The following RYR2 variants were observed in gnomAD, a reference collection of about 807,000 sequenced individuals.
The protein encoded by RYR2 is ryanodine receptor 2, also known as cardiac muscle ryanodine receptor-calcium release channel.
RYR2 carries 227 observed loss-of-function variants against 601.1 expected under a neutral mutation model. The ratio of observed to expected loss-of-function variants is 0.38; its 90% CI spans 0.34 to 0.42. The LOEUF (loss-of-function observed/expected upper bound fraction) is 0.42. RYR2 is among the 10% of genes least tolerant of loss of function. The pLI, the probability that RYR2 is intolerant of heterozygous loss-of-function variation, is 1.00. For missense variants in RYR2, 4,646 were observed against 6,156.5 expected, an observed-to-expected ratio of 0.75 and a Z score of 8.21; for synonymous variants, 2,223 against 2,175.1, an observed-to-expected ratio of 1.02 and a Z score of -0.61.
chr1:237,447,928 C>T (rs1224920253), intron 14 of RYR2, among the ~76,000 whole-genome samples: 1 of 149,980 alleles, frequency 6.7e-6, no homozygotes, highest in African/African-American at 2.5e-5. Flanking sequence ...CCTTTCCTCC[C>T]TCCCCTCTCC....
At chr1:237,457,321 GT>G (rs750880616) in intron 16 of RYR2, among the ~76,000 whole-genome samples, 4 of 152,140 alleles carry the variant, frequency 2.6e-5, no homozygotes, top group Non-Finnish European at 5.9e-5. Context: ...TTAAGCGACA[GT>G]TGCTGTGGTT....
At chr1:237,172,011 T>C (rs1677457667) in intron 1 of RYR2, among the ~76,000 whole-genome samples, 1 of 152,252 alleles carries the variant, frequency 6.6e-6, no homozygotes, top group Non-Finnish European at 1.5e-5. Flanking sequence ...GCAAGTCAGC[T>C]TAGCTTGGCT....
At chr1:237,826,352 C>A (rs1663086356) in intron 101 of RYR2, among the ~76,000 whole-genome samples, 1 of 152,282 alleles carries the variant, frequency 6.6e-6, no homozygotes, top group Non-Finnish European at 1.5e-5. Context: ...AGGATGATTT[C>A]ATGTCCTTTG....
intron 101 of RYR2, among the ~76,000 whole-genome samples, chr1:237,822,925 T>C (rs1297851073): frequency 2.0e-5 from 3 of 151,964 alleles, no homozygotes; most frequent in Non-Finnish European, 2.9e-5. Context: ...CCAACGAAGA[T>C]CAAAAGAGAC....
intron 86 of RYR2, among the ~76,000 whole-genome samples, chr1:237,772,762 CTT>C (rs5781991): frequency 2.0e-3 from 305 of 148,924 alleles, no homozygotes; most frequent in African/African-American, 6.6e-3. Flanking sequence ...AAAATCACAA[CTT>C]TTTTTTTTTC....
chr1:237,100,200 A>G (rs1667927891), intron 1 of RYR2, among the ~76,000 whole-genome samples: 1 of 152,122 alleles, frequency 6.6e-6, no homozygotes. Context: ...TAAAATGAAA[A>G]AGCAAAGAAA....
chr1:237,364,271 A>C, intron 4 of RYR2, 87 bp from the exon 5 acceptor site: 1 of 1,191,918 alleles, frequency 8.4e-7, no homozygotes, highest in Admixed American at 2.2e-5. Flanking sequence ...AGGATAACGG[A>C]GTCTTTATAA....
chr1:237,097,630 T>C (rs921346916), intron 1 of RYR2, among the ~76,000 whole-genome samples: 12 of 152,224 alleles, frequency 7.9e-5, no homozygotes, highest in Admixed American at 5.9e-4. Context: ...AAACATCTTG[T>C]GTAATGCAAT....
chr1:237,737,877 C>T (rs1691285320), intron 79 of RYR2, among the ~76,000 whole-genome samples: 1 of 152,154 alleles, frequency 6.6e-6, no homozygotes, highest in Admixed American at 6.5e-5. Flanking sequence ...TGCTTAAACT[C>T]GAATTCTAAC....
chr1:237,548,661 T>C, intron 26 of RYR2, 71 bp downstream of exon 26: 20 of 1,544,022 alleles, frequency 1.3e-5, no homozygotes, highest in Non-Finnish European at 1.8e-5. Context: ...ACAGGAAGGA[T>C]TACATAATGA....
chr1:237,667,930 G>T lies in RYR2; in HGVS notation c.8562G>T (p.Lys2854Asn). The T allele has an allele frequency of 6.3e-7, 1 of 1,582,056 alleles. No individual in the cohort carries two copies. The highest frequency in any genetic ancestry group is 8.6e-7 in the Non-Finnish European group (1 of 1,163,492). The change falls in exon 58 of 105, where the codon AAG becomes AAT. Residue 2854 changes from lysine to asparagine, a missense_variant. Coordinates refer to ENST00000366574, the MANE Select transcript of RYR2 (RefSeq NM_001035.3). ...MAENYHNIWA[K>N]KKKMELESKG... ...AAAACTACCATAATATATGGGCAAA[G>T]AAAAAGAAAATGGAGTTGGAGTCCA...
intron 10 of RYR2, among the ~76,000 whole-genome samples, chr1:237,402,021 A>AG (rs1432981540): frequency 4.6e-5 from 7 of 152,228 alleles, no homozygotes; most frequent in Non-Finnish European, 8.8e-5. Context: ...ATAGGACTTG[A>AG]CTAAAGATCA....
intron 83 of RYR2, among the ~76,000 whole-genome samples, 184 bp from the exon 84 acceptor site, chr1:237,760,770 CA>C (rs1163557390): frequency 1.3e-5 from 2 of 151,918 alleles, no homozygotes; most frequent in African/African-American, 2.4e-5. Context: ...AGTGTAGGCC[CA>C]GGGGAGACAC....
At chr1:237,187,343 T>G (rs958297849) in intron 1 of RYR2, among the ~76,000 whole-genome samples, 17 of 151,684 alleles carry the variant, frequency 1.1e-4, no homozygotes, top group African/African-American at 4.1e-4. Flanking sequence ...TTTTACCATG[T>G]TGGCCAGGAT....
At chr1:237,638,111 A>AAG (rs1681066011) in intron 44 of RYR2, among the ~76,000 whole-genome samples, 1 of 151,938 alleles carries the variant, frequency 6.6e-6, no homozygotes, top group African/African-American at 2.4e-5. Flanking sequence ...GCTGAAAAAA[A>AAG]AAAAGCTTAT....
chr1:237,803,404 C>A (rs1574020122), intron 98 of RYR2, among the ~76,000 whole-genome samples: 1 of 151,910 alleles, frequency 6.6e-6, no homozygotes, highest in Non-Finnish European at 1.5e-5. Flanking sequence ...CCTGGGTTCA[C>A]ACCATTCTGC....
At chr1:237,601,957 T>C in intron 34 of RYR2, 68 bp from the exon 35 acceptor site, 1 of 1,356,322 alleles carries the variant, frequency 7.4e-7, no homozygotes, top group Non-Finnish European at 1.0e-6. Flanking sequence ...TTTGTTGTTA[T>C]AAAGAAAAAC....
At position 237,384,504 on chromosome 1, in the gene RYR2, C is replaced by T. The variant is rs1701815923; in HGVS notation, c.577-2777C>T. Among the ~76,000 whole-genome samples the T allele has an allele frequency of 2.6e-5, 4 of 152,360 alleles. 1 individual carries two copies. In the South Asian group the frequency reaches 8.3e-4, roughly 32 times the overall value. ...ACACATTCCCCTTATCACACATTCCCCTTCTCAGAACTTCTTAGAGGGCCA... is the reference window on the plus strand; with the variant it reads ...ACACATTCCCCTTATCACACATTCCTCTTCTCAGAACTTCTTAGAGGGCCA... On this transcript the variant is annotated intron_variant, in intron 8 of 104. Coordinates refer to ENST00000366574, the MANE Select transcript of RYR2 (RefSeq NM_001035.3).
At chr1:237,802,914 A>G (rs1307611883) in intron 98 of RYR2, among the ~76,000 whole-genome samples, 3 of 152,258 alleles carry the variant, frequency 2.0e-5, no homozygotes, top group South Asian at 2.1e-4. Context: ...TCCAGGATGG[A>G]GTCTTTCCTT....
Sources: allele counts gnomAD v4.1 joint callset (sites outside exome capture counted in the v4.1 genomes callset), GRCh38; gene constraint gnomAD v4.1.1; transcripts MANE v1.5; gene names NCBI Gene and HGNC (gene_info 2026-07-23, HGNC 2026-07-21).